SLC22A16: variants seen among roughly 807,000 people sequenced by gnomAD.
The protein encoded by SLC22A16 is solute carrier family 22 member 16, also known as WUGSC:RG331P03.1.
Under a neutral mutation model 52.9 loss-of-function variants are expected in SLC22A16, and 53 were observed. That is an observed-to-expected ratio of 1.00 (90% CI 0.80 to 1.26). The LOEUF is 1.26. SLC22A16 is among the 50% of genes most tolerant of loss of function. SLC22A16 has a pLI of 0.00. For missense variants in SLC22A16, 726 were observed against 704.0 expected, an observed-to-expected ratio of 1.03 and a Z score of -0.35; for synonymous variants, 291 against 268.8, an observed-to-expected ratio of 1.08 and a Z score of -0.81.
intron 7 of SLC22A16, among the ~76,000 whole-genome samples, chr6:110,426,158 C>T (rs77343689): frequency 0.015 from 2,269 of 152,164 alleles, 56 homozygotes; most frequent in African/African-American, 0.052. Flanking sequence ...TTAACCCAGA[C>T]GCAGTAGCAG....
At chr6:110,432,293 C>T (rs916572159) in intron 6 of SLC22A16, among the ~76,000 whole-genome samples, 15 of 152,152 alleles carry the variant, frequency 9.9e-5, no homozygotes, top group African/African-American at 3.4e-4. Flanking sequence ...TAAATATTTA[C>T]ATATTGGATT....
chr6:110,444,849 A>G (rs1205620096), intron 3 of SLC22A16, among the ~76,000 whole-genome samples: 1 of 152,226 alleles, frequency 6.6e-6, no homozygotes, highest in Non-Finnish European at 1.5e-5. Context: ...CTGCTGTTAC[A>G]TTAACAAAGA....
chr6:110,435,778 A>C, intron 6 of SLC22A16, 74 bp downstream of exon 6: 2 of 1,105,518 alleles, frequency 1.8e-6, no homozygotes, highest in African/African-American at 1.6e-5. Flanking sequence ...ATTTACATGT[A>C]AAGGCCAAAT....
Position 110,441,399 on chromosome 6 carries a change from ATTTC to A in SLC22A16, c.1183+841_1183+844del, listed in dbSNP as rs532165794. Among the ~76,000 whole-genome samples the A allele has an allele frequency of 2.6e-3, 389 of 152,318 alleles. 1 individual carries two copies. The highest frequency in any genetic ancestry group is 0.01 in the Middle Eastern group (3 of 294). ...ACAAGTGGGATCAAGATCCTGAAGGATTTCTTTGGAGAATTGTAACAGGAGATGA... is the reference window on the plus strand; with the variant it reads ...ACAAGTGGGATCAAGATCCTGAAGGATTTGGAGAATTGTAACAGGAGATGA... On this transcript the variant is annotated intron_variant, in intron 4 of 7. Transcript: ENST00000368919.
intron 7 of SLC22A16, 98 bp downstream of exon 7, chr6:110,431,073 G>T: frequency 2.0e-6 from 2 of 992,466 alleles, no homozygotes; most frequent in African/African-American, 1.6e-5. Flanking sequence ...AGGAAATGAT[G>T]TACTGGCTTT....
intron 1 of SLC22A16, among the ~76,000 whole-genome samples, chr6:110,468,677 A>AGAT (rs1776157962): frequency 6.6e-6 from 1 of 151,396 alleles, no homozygotes. Flanking sequence ...GAGAAGAAGA[A>AGAT]GAAGAAGAAG....
At chr6:110,446,409 G>A (rs1410622102) in intron 3 of SLC22A16, among the ~76,000 whole-genome samples, 3 of 152,120 alleles carry the variant, frequency 2.0e-5, no homozygotes, top group Non-Finnish European at 4.4e-5. Flanking sequence ...CAACTAACAA[G>A]CCAATATATG....
intron 1 of SLC22A16, among the ~76,000 whole-genome samples, chr6:110,466,555 C>A (rs1776069460): frequency 6.6e-6 from 1 of 151,920 alleles, no homozygotes; most frequent in African/African-American, 2.4e-5. Flanking sequence ...CAGAGAAATG[C>A]AAATTAAAAC....
chr6:110,457,141 A>G, intron 1 of SLC22A16, 124 bp from the exon 2 acceptor site: 1 of 909,774 alleles, frequency 1.1e-6, no homozygotes, highest in East Asian at 2.7e-5. Context: ...TATAGAAATA[A>G]TTATAGACAT....
At chr6:110,431,019 A>G (rs2114890333) in intron 7 of SLC22A16, 152 bp downstream of exon 7, 1 of 612,940 alleles carries the variant, frequency 1.6e-6, no homozygotes, top group Admixed American at 2.6e-5. Context: ...CTACTCACCA[A>G]CTGGCCAGCT....
At chr6:110,431,699 C>T (rs999836388) in intron 6 of SLC22A16, among the ~76,000 whole-genome samples, 1 of 152,134 alleles carries the variant, frequency 6.6e-6, no homozygotes, top group African/African-American at 2.4e-5. Context: ...CATTAAGCAA[C>T]ACATGACCGT....
At chr6:110,455,052 T>C (rs1240246962) in intron 2 of SLC22A16, among the ~76,000 whole-genome samples, 2 of 131,572 alleles carry the variant, frequency 1.5e-5, no homozygotes, top group East Asian at 2.0e-4. Context: ...TTTATTTATA[T>C]ATTATATATA....
Position 110,442,642 on chromosome 6 carries a change from T to C in SLC22A16, c.785A>G (p.Tyr262Cys), listed in dbSNP as rs759557480. Residue 262 changes from tyrosine to cysteine, a missense_variant, in exon 4 of 8, where the codon TAC becomes TGC. Coordinates refer to ENST00000368919, the MANE Select transcript of SLC22A16 (RefSeq NM_033125.4). ...VGTLLVALTG[Y>C]LVRTWWLYQM... ...GTAAAGCCACCAGGTCCTGACCAAGTATCCTGTCAAAGCCACCAGCAGGGT... is the reference window on the plus strand; with the variant it reads ...GTAAAGCCACCAGGTCCTGACCAAGCATCCTGTCAAAGCCACCAGCAGGGT... 6.2e-7 allele frequency: 1 copy of C among 1,614,152 alleles called. No individual in the cohort carries two copies. The highest frequency in any genetic ancestry group is 1.7e-5 in the Admixed American group (1 of 60,014).
At chr6:110,445,753 T>A (rs1183294033) in intron 3 of SLC22A16, among the ~76,000 whole-genome samples, 1 of 152,226 alleles carries the variant, frequency 6.6e-6, no homozygotes, top group Non-Finnish European at 1.5e-5. Flanking sequence ...ACTTTCTTAG[T>A]ACCTGTGCCT....
chr6:110,431,343 A>G, intron 6 of SLC22A16, 73 bp from the exon 7 acceptor site: 1 of 1,310,540 alleles, frequency 7.6e-7, no homozygotes, highest in East Asian at 2.3e-5. Context: ...TGCTTCCTGC[A>G]GCTCCTTTCC....
intron 1 of SLC22A16, among the ~76,000 whole-genome samples, chr6:110,472,654 C>T (rs1227633896): frequency 6.6e-6 from 1 of 152,166 alleles, no homozygotes; most frequent in Non-Finnish European, 1.5e-5. Context: ...AACCAAGCCC[C>T]ATTTCCTTAG....
intron 1 of SLC22A16, among the ~76,000 whole-genome samples, chr6:110,469,579 G>T (rs1469266733): frequency 6.6e-6 from 1 of 152,052 alleles, no homozygotes; most frequent in Non-Finnish European, 1.5e-5. Context: ...CCTTATATTG[G>T]ATCATACTTT....
chr6:110,447,026 G>A, intron 2 of SLC22A16, 36 bp from the exon 3 acceptor site: 1 of 1,552,620 alleles, frequency 6.4e-7, no homozygotes, highest in South Asian at 1.1e-5. Flanking sequence ...AAGAGGAAAG[G>A]TAGAGTTGTA....
chr6:110,437,206 T>A (rs1471486627), intron 5 of SLC22A16, among the ~76,000 whole-genome samples: 1 of 152,196 alleles, frequency 6.6e-6, no homozygotes, highest in Non-Finnish European at 1.5e-5. Context: ...TGTGTTGACA[T>A]TATCACCTGG....
Sources: allele counts gnomAD v4.1 joint callset (sites outside exome capture counted in the v4.1 genomes callset), GRCh38; gene constraint gnomAD v4.1.1; transcripts MANE v1.5; gene names NCBI Gene and HGNC (gene_info 2026-07-23, HGNC 2026-07-21).